VAT1L: variants seen among roughly 807,000 people sequenced by gnomAD.
VAT1L encodes vesicle amine transport 1 like.
Under a neutral mutation model 44.1 loss-of-function variants are expected in VAT1L, and 34 were observed. The ratio of observed to expected loss-of-function variants is 0.77; its 90% CI spans 0.59 to 1.03. The LOEUF (loss-of-function observed/expected upper bound fraction) is 1.03. Among genes scored for constraint, VAT1L ranks in the 50% least tolerant of loss-of-function variants. The pLI is 0.00. For synonymous variants in VAT1L, 253 were observed against 202.2 expected, an observed-to-expected ratio of 1.25 and a Z score of -2.13; for missense variants, 615 against 538.8, an observed-to-expected ratio of 1.14 and a Z score of -1.40.
chr16:77,915,853 G>C (rs753491399), intron 7 of VAT1L, among the ~76,000 whole-genome samples: 1 of 152,174 alleles, frequency 6.6e-6, no homozygotes, highest in Non-Finnish European at 1.5e-5. Context: ...TGGAAGAGAT[G>C]GGAAAGTTAG....
intron 2 of VAT1L, among the ~76,000 whole-genome samples, chr16:77,821,425 C>T (rs373526071): frequency 7.9e-5 from 12 of 151,886 alleles, no homozygotes; most frequent in Non-Finnish European, 1.5e-4. Context: ...CTCAGCCTCC[C>T]AAGTAGCTGA....
At chr16:77,968,626 G>A (rs1322339371) in intron 7 of VAT1L, among the ~76,000 whole-genome samples, 2 of 151,750 alleles carry the variant, frequency 1.3e-5, no homozygotes, top group Admixed American at 6.6e-5. Context: ...TCAGGAAGTT[G>A]AGGCTGGAGA....
In VAT1L at chr16:77,888,110, A is replaced by G. The variant is rs539591441; in HGVS notation, c.1077+3308A>G. 3.9e-5 allele frequency among the ~76,000 whole-genome samples: 6 copies of G among 152,332 alleles called. No homozygotes were observed. The South Asian group carries it at 1.0e-3, about 26-fold the overall frequency. On this transcript the variant is annotated intron_variant, in intron 7 of 8. Coordinates refer to ENST00000302536, the MANE Select transcript of VAT1L (RefSeq NM_020927.3). ...TCTGCTTCCTTCAGGTCTCAGCCTC[A>G]GTATGACCTGTACAGAGAAGCCTTC...
At chr16:77,897,451 G>C (rs2017336061) in intron 7 of VAT1L, among the ~76,000 whole-genome samples, 1 of 152,044 alleles carries the variant, frequency 6.6e-6, no homozygotes, top group Admixed American at 6.5e-5. Context: ...GCAAATTCTT[G>C]GTCCAAAAAA....
chr16:77,941,973 C>A (rs1305313471), intron 7 of VAT1L, among the ~76,000 whole-genome samples: 1 of 152,134 alleles, frequency 6.6e-6, no homozygotes, highest in Non-Finnish European at 1.5e-5. Context: ...GCAACCTTGC[C>A]AGCATGTTAT....
intron 2 of VAT1L, among the ~76,000 whole-genome samples, chr16:77,822,574 T>A (rs1298387272): frequency 6.6e-6 from 1 of 151,996 alleles, no homozygotes; most frequent in Non-Finnish European, 1.5e-5. Context: ...GAGCCACAGA[T>A]AACATACAGA....
intron 1 of VAT1L, among the ~76,000 whole-genome samples, chr16:77,808,487 T>C (rs2016203377): frequency 1.3e-5 from 2 of 152,026 alleles, no homozygotes; most frequent in South Asian, 4.1e-4. Context: ...CCCTGCTCCA[T>C]GGAAAAAAAA....
At chr16:77,945,278 C>CTTTTTT (rs56055464) in intron 7 of VAT1L, among the ~76,000 whole-genome samples, 1 of 83,056 alleles carries the variant, frequency 1.2e-5, no homozygotes, top group African/African-American at 4.3e-5. Context: ...GATTGCAGAA[C>CTTTTTT]TTTTTTTTTT....
intron 3 of VAT1L, among the ~76,000 whole-genome samples, chr16:77,859,748 G>A (rs2016897098): frequency 6.6e-6 from 1 of 152,218 alleles, no homozygotes; most frequent in South Asian, 2.1e-4. Context: ...GGGACGTGGG[G>A]TTGAGGGAGG....
chr16:77,916,158 G>C (rs1597097203), intron 7 of VAT1L, among the ~76,000 whole-genome samples: 1 of 152,268 alleles, frequency 6.6e-6, no homozygotes, highest in South Asian at 2.1e-4. Flanking sequence ...GTACGAAAGG[G>C]GGCCAAGGGC....
chr16:77,803,636 G>A (rs948178091), intron 1 of VAT1L, among the ~76,000 whole-genome samples: 3 of 152,030 alleles, frequency 2.0e-5, no homozygotes, highest in East Asian at 1.9e-4. Context: ...AGCCAGGATG[G>A]TCTCGATTTC....
intron 1 of VAT1L, among the ~76,000 whole-genome samples, chr16:77,810,847 G>C (rs537171166): frequency 6.6e-6 from 1 of 152,212 alleles, no homozygotes; most frequent in East Asian, 1.9e-4. Context: ...TCATAAAGTC[G>C]TAAATATATA....
At chr16:77,968,233 G>A (rs1256140135) in intron 7 of VAT1L, among the ~76,000 whole-genome samples, 2 of 152,132 alleles carry the variant, frequency 1.3e-5, no homozygotes, top group Non-Finnish European at 2.9e-5. Flanking sequence ...CAGGAAAGGG[G>A]TCCTGATCCA....
intron 3 of VAT1L, among the ~76,000 whole-genome samples, chr16:77,854,848 A>C (rs1045069990): frequency 6.6e-6 from 1 of 152,222 alleles, no homozygotes; most frequent in Admixed American, 6.5e-5. Context: ...TCTTTTTGTA[A>C]GATGATCTTG....
chr16:77,918,680 G>A (rs1045006543), intron 7 of VAT1L, among the ~76,000 whole-genome samples: 4 of 152,078 alleles, frequency 2.6e-5, no homozygotes, highest in African/African-American at 4.8e-5. Flanking sequence ...GCTTCATCCC[G>A]GAAACTGTAA....
chr16:77,970,308 T>C (rs1002931111), intron 7 of VAT1L, among the ~76,000 whole-genome samples: 1 of 152,198 alleles, frequency 6.6e-6, no homozygotes, highest in African/African-American at 2.4e-5. Context: ...TTATATTAAA[T>C]ACTGATTTGA....
rs538801863 is a variant in VAT1L at position 77,837,456 on chromosome 16, A to G, written c.579+11995A>G. On this transcript the variant is annotated intron_variant, in intron 3 of 8. Coordinates refer to ENST00000302536, the MANE Select transcript of VAT1L (RefSeq NM_020927.3). ...TCCTGTGTCCATGAAATTAAACCTCAGGCTGCTGTGTTCGTGAAGGCAGGG... is the reference window on the plus strand; with the variant it reads ...TCCTGTGTCCATGAAATTAAACCTCGGGCTGCTGTGTTCGTGAAGGCAGGG... 4.6e-5 allele frequency among the ~76,000 whole-genome samples: 7 copies of G among 152,340 alleles called. No homozygotes were observed. In the East Asian group the frequency reaches 1.3e-3, roughly 29 times the overall value.
In VAT1L at chr16:77,958,678, G is replaced by C. The variant is rs1864227; in HGVS notation, c.1078-13172G>C. 1.6e-4 allele frequency among the ~76,000 whole-genome samples: 25 copies of C among 152,166 alleles called. 1 individual carries two copies. Among genetic ancestry groups the C allele is most frequent in the African/African-American group, 2.7e-4 (11 of 41,494 alleles). ...ATTTCTGTAGAACATTCTGGCTCTT[G>C]GTTCAATGTTTAATTCATATGAACC... is the stretch of plus-strand genomic sequence containing the variant. On this transcript the variant is annotated intron_variant, in intron 7 of 8. Coordinates refer to ENST00000302536, the MANE Select transcript of VAT1L (RefSeq NM_020927.3).
At chr16:77,851,567 C>T (rs565219537) in intron 3 of VAT1L, among the ~76,000 whole-genome samples, 10 of 152,098 alleles carry the variant, frequency 6.6e-5, no homozygotes, top group African/African-American at 1.9e-4. Flanking sequence ...GTGGGAGGAT[C>T]GCTTGAGACC....
Sources: gnomAD v4.1 joint callset for allele counts (sites outside exome capture counted in the v4.1 genomes callset) on GRCh38, gnomAD v4.1.1 for gene constraint, MANE v1.5 for transcripts, NCBI Gene and HGNC (gene_info 2026-07-23, HGNC 2026-07-21) for gene names.